Variants in POLN observed in about 807,000 individuals in gnomAD.
POLN encodes the protein DNA polymerase N.
In POLN, 108 loss-of-function variants were observed where a neutral mutation model predicts 113.5. The ratio of observed to expected loss-of-function variants is 0.95; its 90% confidence interval spans 0.81 to 1.12. The LOEUF (loss-of-function observed/expected upper bound fraction) is 1.12, where lower values mean the gene tolerates loss of function less well. Among genes scored for constraint, POLN ranks in the 50% most tolerant of loss-of-function variants. POLN has a pLI of 0.00. For synonymous variants in POLN, 386 were observed against 391.5 expected, an observed-to-expected ratio of 0.99 and a Z score of 0.17; for missense variants, 1,097 against 1,077.1, an observed-to-expected ratio of 1.02 and a Z score of -0.26.
intron 7 of POLN, among the ~76,000 whole-genome samples, chr4:2,187,937 C>G (rs1006911280): frequency 4.6e-5 from 7 of 151,968 alleles, no homozygotes; most frequent in African/African-American, 1.7e-4. Flanking sequence ...ATAGTGAGAC[C>G]CCTGTCTCTA....
chr4:2,172,543 T>C (rs913728912), intron 11 of POLN, among the ~76,000 whole-genome samples: 1 of 152,212 alleles, frequency 6.6e-6, no homozygotes, highest in South Asian at 2.1e-4. Context: ...CAGGAATGCC[T>C]TGTCTAACTG....
intron 5 of POLN, among the ~76,000 whole-genome samples, chr4:2,201,297 A>AAAAAAAC (rs1733708257): frequency 1.4e-5 from 2 of 147,664 alleles, no homozygotes; most frequent in African/African-American, 5.1e-5. Context: ...AAAAAAAAAA[A>AAAAAAAC]AAAAAACGAG....
intron 19 of POLN, among the ~76,000 whole-genome samples, chr4:2,121,434 CAA>C (rs869279379): frequency 2.8e-4 from 39 of 139,428 alleles, no homozygotes; most frequent in South Asian, 1.4e-3. Context: ...GACTCTGTCT[CAA>C]AAAAAAAAAA....
intron 3 of POLN, among the ~76,000 whole-genome samples, chr4:2,220,383 C>T (rs985597955): frequency 3.3e-5 from 5 of 152,204 alleles, no homozygotes; most frequent in African/African-American, 7.2e-5. Flanking sequence ...AGTCAATCCC[C>T]GTGGGCAGCT....
At chr4:2,121,174 C>T (rs1731429979) in intron 19 of POLN, among the ~76,000 whole-genome samples, 1 of 152,104 alleles carries the variant, frequency 6.6e-6, no homozygotes, top group Non-Finnish European at 1.5e-5. Context: ...GTAGCTCATG[C>T]CTGTAATCCT....
intron 20 of POLN, among the ~76,000 whole-genome samples, chr4:2,091,736 C>G (rs923105569): frequency 6.6e-6 from 1 of 151,792 alleles, no homozygotes; most frequent in African/African-American, 2.4e-5. Context: ...AGACGGCTAA[C>G]CCTATCCGGT....
intron 19 of POLN, among the ~76,000 whole-genome samples, chr4:2,105,924 T>C (rs751193492): frequency 6.6e-6 from 1 of 152,094 alleles, no homozygotes; most frequent in African/African-American, 2.4e-5. Context: ...ACCCTCCATA[T>C]TGCTGAACTT....
chr4:2,088,943 A>G, intron 20 of POLN: 1 of 1,015,770 alleles, frequency 9.8e-7, no homozygotes, highest in Non-Finnish European at 1.5e-6. Flanking sequence ...TCTAGCAGCA[A>G]CGGCCTTGGT....
At chr4:2,075,586 G>A (rs1346519877) in intron 23 of POLN, 67 bp from the exon 24 acceptor site, 7 of 1,545,626 alleles carry the variant, frequency 4.5e-6, no homozygotes, top group African/African-American at 1.4e-5. Flanking sequence ...CAGCCTGGCA[G>A]GGAGGGAGGG....
At chr4:2,124,935 G>A (rs1199582191) in intron 19 of POLN, among the ~76,000 whole-genome samples, 1 of 152,130 alleles carries the variant, frequency 6.6e-6, no homozygotes, top group Non-Finnish European at 1.5e-5. Flanking sequence ...GAAAGAGCTG[G>A]CAGTGAGAAA....
chr4:2,122,462 G>A (rs1478231920), intron 19 of POLN, among the ~76,000 whole-genome samples: 2 of 152,104 alleles, frequency 1.3e-5, no homozygotes, highest in Non-Finnish European at 2.9e-5. Context: ...GGGACAGAGA[G>A]TAAATGATGA....
intron 13 of POLN, among the ~76,000 whole-genome samples, chr4:2,163,525 C>T (rs1732654057): frequency 6.6e-6 from 1 of 152,268 alleles, no homozygotes; most frequent in Non-Finnish European, 1.5e-5. Flanking sequence ...CGGCTGCAGA[C>T]ACCACATTCG....
At chr4:2,073,493 T>A (rs1001725589) in intron 24 of POLN, among the ~76,000 whole-genome samples, 8 of 152,070 alleles carry the variant, frequency 5.3e-5, no homozygotes, top group Non-Finnish European at 1.0e-4. Flanking sequence ...GAACCCCCCA[T>A]CCCCACTACT....
intron 25 of POLN, 77 bp downstream of exon 25, chr4:2,072,891 G>A: frequency 2.0e-6 from 3 of 1,488,330 alleles, no homozygotes; most frequent in South Asian, 2.3e-5. Flanking sequence ...CTTTGGCCTG[G>A]CTCTTTTGCC....
At chr4:2,215,335 T>C (rs1210995048) in intron 3 of POLN, among the ~76,000 whole-genome samples, 2 of 152,190 alleles carry the variant, frequency 1.3e-5, no homozygotes, top group East Asian at 1.9e-4. Context: ...CACACGAAGA[T>C]GTTACGCACA....
intron 23 of POLN, chr4:2,080,700 C>T (rs374487128): frequency 1.2e-4 from 167 of 1,376,344 alleles, no homozygotes; most frequent in African/African-American, 7.9e-4. Context: ...GCAGACACCC[C>T]GAGGAGGAGG....
At chr4:2,222,522 A>AAAAAC (rs1298292403) in intron 3 of POLN, among the ~76,000 whole-genome samples, 4 of 152,182 alleles carry the variant, frequency 2.6e-5, no homozygotes, top group Non-Finnish European at 5.9e-5. Context: ...CCAAAAAACA[A>AAAAAC]AAAACAAAAC....
chr4:2,075,139 AGGCCTTG>A lies in POLN; in HGVS notation c.2455+306_2455+312del, dbSNP rs1730244922. ...ATCTTTCTAGACCCCCAAGACATAG[AGGCCTTG>A]GGCCTCAGACAAAGCAGCCTTGGGT... On this transcript the variant is annotated intron_variant, in intron 24 of 25. Transcript: ENST00000511885. Among the ~76,000 whole-genome samples the A allele has an allele frequency of 2.0e-5, 3 of 152,272 alleles. No homozygotes were observed. In the South Asian group the frequency reaches 6.2e-4, roughly 32 times the overall value.
Position 2,129,113 on chromosome 4 carries a change from T to C in POLN, c.1867+66A>G, listed in dbSNP as rs148836764. ...AAAGAATGAATTCCATAAGTACCTT[T>C]GAATTGTTCAATTTCTAAACCTTTG... On this transcript the variant is annotated intron_variant, in intron 18 of 25. Transcript: ENST00000511885. 7.5e-4 allele frequency: 887 copies of C among 1,176,320 alleles called. 3 individuals are homozygous for C. In the African/African-American group the frequency reaches 0.011, roughly 14 times the overall value. 72.9% of individuals were successfully genotyped at this position (1,176,320 alleles called of 1,614,324 possible).
Sources: allele counts gnomAD v4.1 joint callset (sites outside exome capture counted in the v4.1 genomes callset), GRCh38; gene constraint gnomAD v4.1.1; transcripts MANE v1.5; gene names NCBI Gene and HGNC (gene_info 2026-07-23, HGNC 2026-07-21).